Variants in SUMF1 observed in about 807,000 individuals in gnomAD.
SUMF1 encodes formylglycine-generating enzyme.
Under a neutral mutation model 47.6 loss-of-function variants are expected in SUMF1, and 48 were observed. The observed-to-expected ratio is 1.01, with a 90% CI of 0.80 to 1.28. The LOEUF (loss-of-function observed/expected upper bound fraction) is 1.28. Among genes scored for constraint, SUMF1 ranks in the 50% most tolerant of loss-of-function variants. SUMF1 has a pLI of 0.00. For missense variants in SUMF1, 571 were observed against 485.4 expected (o/e 1.18, Z -1.66); for synonymous variants, 230 against 192.1 (o/e 1.20, Z -1.63).
chr3:4,430,958 C>T (rs1442452453), intron 3 of SUMF1, among the ~76,000 whole-genome samples: 1 of 152,084 alleles, frequency 6.6e-6, no homozygotes, highest in African/African-American at 2.4e-5. Flanking sequence ...ATAAAATGTA[C>T]CAAAGATCTT....
chr3:4,078,303 T>C (rs1259884259), intron 8 of SUMF1, among the ~76,000 whole-genome samples: 1 of 104,912 alleles, frequency 9.5e-6, no homozygotes, highest in East Asian at 2.9e-4. Context: ...ACCAGAGTAA[T>C]GAGTAGGCCA....
chr3:4,372,065 T>C (rs1379050896), intron 8 of SUMF1, among the ~76,000 whole-genome samples: 1 of 152,138 alleles, frequency 6.6e-6, no homozygotes, highest in Non-Finnish European at 1.5e-5. Flanking sequence ...CTCAGCACTT[T>C]GGGAGGCCAA....
At chr3:4,230,119 G>T (rs1195791393) in intron 8 of SUMF1, among the ~76,000 whole-genome samples, 1 of 151,788 alleles carries the variant, frequency 6.6e-6, no homozygotes, top group Non-Finnish European at 1.5e-5. Flanking sequence ...ATGTGACTTG[G>T]TCTGTGCTGT....
At chr3:4,123,831 G>A (rs986611161) in intron 8 of SUMF1, among the ~76,000 whole-genome samples, 7 of 152,002 alleles carry the variant, frequency 4.6e-5, no homozygotes, top group African/African-American at 1.7e-4. Flanking sequence ...ATATATATGG[G>A]GGCAGAGGAG....
chr3:4,196,692 G>A lies in SUMF1; in HGVS notation c.1015-127947C>T, dbSNP rs564241615. On this transcript the variant is annotated intron_variant and NMD_transcript_variant, in intron 8 of 12. Coordinates refer to the SUMF1 transcript ENST00000448413. ...CTTTTCCCTCTCTCTGGCCTCCTGG[G>A]TCCATAAAAAGGCAGGATTCTTCTG... Among the ~76,000 whole-genome samples, 3 of 152,058 alleles carry A rather than the reference G, an allele frequency of 2.0e-5. No individual in the cohort carries two copies. In the East Asian group the frequency reaches 5.8e-4, roughly 29 times the overall value.
intron 8 of SUMF1, among the ~76,000 whole-genome samples, chr3:4,370,575 CT>C (rs2125204801): frequency 1.3e-5 from 2 of 152,268 alleles, no homozygotes; most frequent in Admixed American, 1.3e-4. Context: ...CTGTTGGGAT[CT>C]GCCCAAAGCA....
chr3:4,093,651 GA>G (rs1198914168), intron 8 of SUMF1, among the ~76,000 whole-genome samples: 1 of 152,068 alleles, frequency 6.6e-6, no homozygotes, highest in Non-Finnish European at 1.5e-5. Context: ...GTGGAAGATA[GA>G]GTACAGGATA....
At chr3:4,106,233 A>T (rs750344208) in intron 8 of SUMF1, among the ~76,000 whole-genome samples, 26 of 152,278 alleles carry the variant, frequency 1.7e-4, no homozygotes, top group Admixed American at 7.2e-4. Flanking sequence ...GTGATCGGGC[A>T]TCAAAATGGA....
chr3:4,173,812 A>T (rs555137774), intron 8 of SUMF1, among the ~76,000 whole-genome samples: 59 of 152,230 alleles, frequency 3.9e-4, no homozygotes, highest in African/African-American at 1.3e-3. Flanking sequence ...CCCCACTCAT[A>T]AGTGGGAGTT....
At chr3:4,303,413 G>C in intron 8 of SUMF1, 1 of 1,557,378 alleles carries the variant, frequency 6.4e-7, no homozygotes, top group Non-Finnish European at 8.6e-7. Context: ...TTGTGGGATG[G>C]CGGAGTTTAA....
intron 8 of SUMF1, among the ~76,000 whole-genome samples, chr3:4,101,115 A>T (rs2125061434): frequency 6.6e-6 from 1 of 152,274 alleles, no homozygotes; most frequent in African/African-American, 2.4e-5. Context: ...TAAAATTACC[A>T]TATGATCAAG....
chr3:4,184,486 A>G (rs1017886135), intron 8 of SUMF1, among the ~76,000 whole-genome samples: 12 of 151,956 alleles, frequency 7.9e-5, no homozygotes, highest in Non-Finnish European at 1.2e-4. Context: ...AAGAAAGAAA[A>G]AAATGCAAAA....
chr3:4,431,754 G>A (rs550525327), intron 3 of SUMF1, among the ~76,000 whole-genome samples: 3 of 152,296 alleles, frequency 2.0e-5, no homozygotes, highest in South Asian at 2.1e-4. Context: ...CCAAGGTGGG[G>A]CAAGGGCATT....
chr3:4,138,626 C>T (rs1283958643), intron 8 of SUMF1, among the ~76,000 whole-genome samples: 3 of 152,118 alleles, frequency 2.0e-5, no homozygotes, highest in African/African-American at 4.8e-5. Context: ...TGTCACACAT[C>T]ACAGCTAGGA....
chr3:4,235,553 G>C (rs760711166), intron 8 of SUMF1, among the ~76,000 whole-genome samples: 1 of 152,064 alleles, frequency 6.6e-6, no homozygotes. Context: ...AATTACGCAA[G>C]TGCTAAAAAT....
chr3:4,121,139 C>T (rs1008044867), intron 8 of SUMF1, among the ~76,000 whole-genome samples: 2 of 152,160 alleles, frequency 1.3e-5, no homozygotes, highest in East Asian at 3.9e-4. Context: ...ATAGCTTCCT[C>T]AACTGTAAAT....
chr3:4,068,789 T>G, intron 8 of SUMF1: 1 of 279,312 alleles, frequency 3.6e-6, no homozygotes, highest in South Asian at 3.2e-5. Flanking sequence ...AATAATAACA[T>G]GAATAGGTAA....
At chr3:4,416,352 T>C (rs1701712270) in intron 6 of SUMF1, among the ~76,000 whole-genome samples, 1 of 152,154 alleles carries the variant, frequency 6.6e-6, no homozygotes, top group African/African-American at 2.4e-5. Flanking sequence ...TTGGGGTTTA[T>C]TTATGACAGG....
chr3:4,056,430 T>G (rs188900433), intron 9 of SUMF1, among the ~76,000 whole-genome samples: 377 of 152,014 alleles, frequency 2.5e-3, no homozygotes, highest in African/African-American at 8.7e-3. Flanking sequence ...CCTCAGTGCT[T>G]TGGGAGGTCT....
Sources: gnomAD v4.1 joint callset for allele counts (sites outside exome capture counted in the v4.1 genomes callset) on GRCh38, gnomAD v4.1.1 for gene constraint, MANE v1.5 for transcripts, NCBI Gene and HGNC (gene_info 2026-07-23, HGNC 2026-07-21) for gene names.